Variants in PREX1 observed in about 807,000 individuals in gnomAD.
PREX1 encodes the protein phosphatidylinositol 3,4,5-trisphosphate-dependent Rac exchanger 1 protein.
A neutral mutation model predicts 198.3 loss-of-function variants in PREX1; 41 were observed. That is an observed-to-expected ratio of 0.21 (90% CI 0.16 to 0.27). The LOEUF (loss-of-function observed/expected upper bound fraction) is 0.27. PREX1 is among the 10% of genes least tolerant of loss of function. The probability of loss-of-function intolerance (pLI) is 1.00; values close to 1 mark genes in which losing one functional copy is unlikely to be tolerated. For missense variants in PREX1, 1,620 were observed against 2,200.7 expected, an observed-to-expected ratio of 0.74 and a Z score of 5.28; for synonymous variants, 843 against 887.2, an observed-to-expected ratio of 0.95 and a Z score of 0.89.
At chr20:48,788,635 G>C (rs1001733211) in intron 1 of PREX1, among the ~76,000 whole-genome samples, 10 of 152,176 alleles carry the variant, frequency 6.6e-5, no homozygotes, top group African/African-American at 1.9e-4. Flanking sequence ...ATATGAGTCT[G>C]ACTGGTTTGG....
At chr20:48,816,513 G>C (rs575558618) in intron 1 of PREX1, among the ~76,000 whole-genome samples, 29 of 152,256 alleles carry the variant, frequency 1.9e-4, no homozygotes, top group African/African-American at 6.0e-4. Flanking sequence ...AGACGCCTGC[G>C]GGGGATAAAG....
chr20:48,779,189 G>A (rs1233352543), intron 1 of PREX1, among the ~76,000 whole-genome samples: 3 of 152,130 alleles, frequency 2.0e-5, no homozygotes, highest in Admixed American at 6.5e-5. Context: ...TAAAAAACTT[G>A]AACATTTTCT....
intron 11 of PREX1, 35 bp from the exon 12 acceptor site, chr20:48,679,789 G>C: frequency 6.6e-7 from 1 of 1,510,604 alleles, no homozygotes; most frequent in South Asian, 1.1e-5. Flanking sequence ...CGCTGGGCAC[G>C]CCCCCTCAGC....
the PREX1 span, among the ~76,000 whole-genome samples, chr20:48,882,542 T>G: frequency 2.0e-5 from 3 of 149,762 alleles, no homozygotes; most frequent in African/African-American, 7.4e-5. Context: ...AATCTTCATG[T>G]TTCTATGAAG....
At chr20:48,652,462 C>T (rs1231646472) in intron 21 of PREX1, 124 bp downstream of exon 21, 2 of 1,312,520 alleles carry the variant, frequency 1.5e-6, no homozygotes, top group Non-Finnish European at 2.1e-6. Context: ...AAAAAACAAA[C>T]CTGCTGGCAT....
At chr20:48,639,208 G>A (rs2089389757) in intron 30 of PREX1, among the ~76,000 whole-genome samples, 1 of 152,332 alleles carries the variant, frequency 6.6e-6, no homozygotes, top group South Asian at 2.1e-4. Flanking sequence ...CAGAGCGGCC[G>A]CCACTCCTCT....
chr20:48,647,583 G>A (rs192725246), intron 25 of PREX1, among the ~76,000 whole-genome samples: 3 of 148,400 alleles, frequency 2.0e-5, no homozygotes, highest in East Asian at 2.0e-4. Context: ...TGATGAATAC[G>A]CCCAGCTAGA....
rs1555832850 is a variant in PREX1, at chr20:48,661,527, A to ACG, written c.1739-1467_1739-1466insCG. Among the ~76,000 whole-genome samples, 53 of 121,246 alleles carry ACG rather than the reference A, an allele frequency of 4.4e-4. 1 individual carries two copies. Among genetic ancestry groups the ACG allele is most frequent in the African/African-American group, 1.7e-3 (52 of 31,024 alleles). 79.5% of individuals were successfully genotyped at this position (121,246 alleles called of 152,430 possible). A position where few individuals can be genotyped will look rare whatever the true frequency, so the allele number is the denominator to read the frequency against. On this transcript the variant is annotated intron_variant, in intron 15 of 39. Transcript: ENST00000371941. ...GTATATAACATATATAATATATATAATGTGTGTGTGTGTGTGTATATATAT... is the reference window on the plus strand; with the variant it reads ...GTATATAACATATATAATATATATAACGTGTGTGTGTGTGTGTGTATATATAT...
chr20:48,852,021 C>T, the PREX1 span, among the ~76,000 whole-genome samples: 3 of 152,042 alleles, frequency 2.0e-5, no homozygotes, highest in Non-Finnish European at 4.4e-5. Flanking sequence ...GGTTTTAGCC[C>T]AAACGTGTTT....
intron 20 of PREX1, 22 bp downstream of exon 20, chr20:48,653,339 C>T (rs750344883): frequency 1.9e-6 from 3 of 1,606,442 alleles, no homozygotes; most frequent in Non-Finnish European, 1.7e-6. Context: ...TCTTTGACGG[C>T]CCCGGTTTCC....
chr20:48,708,248 T>C lies in PREX1; in HGVS notation c.783+12A>G. ...CTGCGGCCCAGGAAGCCCCCTCCTG[T>C]CCTGTACACACCTCCCAGCCTTCGA... On this transcript the variant is annotated intron_variant, in intron 6 of 39. Transcript: ENST00000371941. 1 of 1,613,554 alleles carries C rather than the reference T, an allele frequency of 6.2e-7. No homozygotes were observed. The highest frequency in any genetic ancestry group is 8.5e-7 in the Non-Finnish European group (1 of 1,179,960).
At chr20:48,782,681 G>A (rs1202363737) in intron 1 of PREX1, among the ~76,000 whole-genome samples, 1 of 152,118 alleles carries the variant, frequency 6.6e-6, no homozygotes, top group African/African-American at 2.4e-5. Context: ...AGCATGATGA[G>A]GAGACCAAGC....
At chr20:48,700,996 G>T in intron 6 of PREX1, 110 bp from the exon 7 acceptor site, 1 of 1,429,986 alleles carries the variant, frequency 7.0e-7, no homozygotes, top group Non-Finnish European at 9.7e-7. Flanking sequence ...AACTCCACCA[G>T]CAAGTCTGTC....
intron 1 of PREX1, among the ~76,000 whole-genome samples, chr20:48,805,170 T>A (rs2090406264): frequency 6.6e-6 from 1 of 152,200 alleles, no homozygotes; most frequent in South Asian, 2.1e-4. Flanking sequence ...GAAACGGTGA[T>A]AGCAGCAGGA....
At chr20:48,677,310 G>T (rs56048107) in intron 13 of PREX1, among the ~76,000 whole-genome samples, 25,249 of 152,098 alleles carry the variant, frequency 0.17, 4,356 homozygotes, top group African/African-American at 0.44. Flanking sequence ...GACATCCCAC[G>T]GGGCCAGCAA....
the PREX1 span, among the ~76,000 whole-genome samples, chr20:48,881,039 G>A: frequency 0.031 from 1,929 of 62,142 alleles, 39 homozygotes; most frequent in African/African-American, 0.11. Context: ...AGATTAAAAA[G>A]CAACTCTACC....
chr20:48,784,203 C>T (rs1601133971), intron 1 of PREX1, among the ~76,000 whole-genome samples: 1 of 152,146 alleles, frequency 6.6e-6, no homozygotes, highest in East Asian at 1.9e-4. Context: ...CAAAAACGGG[C>T]TCCAGGGGTT....
At chr20:48,831,599 G>T (rs2090537358), upstream of PREX1, among the ~76,000 whole-genome samples, 1 of 152,186 alleles carries the variant, frequency 6.6e-6, no homozygotes, top group Admixed American at 6.5e-5. Context: ...GGCCTCCTAT[G>T]CTCCAGGCAG....
At chr20:48,831,677 A>G (rs994806468), upstream of PREX1, among the ~76,000 whole-genome samples, 38 of 152,178 alleles carry the variant, frequency 2.5e-4, no homozygotes, top group African/African-American at 8.4e-4. Context: ...GAGCAGGGAG[A>G]GAAGGACAAT....
Sources: gnomAD v4.1 joint callset for allele counts (sites outside exome capture counted in the v4.1 genomes callset) on GRCh38, gnomAD v4.1.1 for gene constraint, MANE v1.5 for transcripts, NCBI Gene and HGNC (gene_info 2026-07-23, HGNC 2026-07-21) for gene names.